The following WDR59 variants were observed in gnomAD, a reference collection of about 807,000 sequenced individuals.
WDR59 encodes the protein WD repeat domain 59.
WDR59 carries 100 observed loss-of-function variants against 131.2 expected under a neutral mutation model. That is an observed-to-expected ratio of 0.76 (90% CI 0.65 to 0.90). The LOEUF is 0.90. WDR59 is among the 40% of genes least tolerant of loss of function. WDR59 has a pLI of 0.00. For missense variants in WDR59, 1,203 were observed against 1,262.2 expected, an observed-to-expected ratio of 0.95 and a Z score of 0.71; for synonymous variants, 601 against 466.2, an observed-to-expected ratio of 1.29 and a Z score of -3.72.
chr16:74,945,547 T>C (rs904708372), intron 6 of WDR59, among the ~76,000 whole-genome samples: 8 of 152,018 alleles, frequency 5.3e-5, no homozygotes, highest in Non-Finnish European at 8.8e-5. Flanking sequence ...GAGGCATCTG[T>C]AGACCACCTG....
chr16:74,972,381 G>C (rs946531188), intron 1 of WDR59, among the ~76,000 whole-genome samples: 1 of 152,086 alleles, frequency 6.6e-6, no homozygotes, highest in African/African-American at 2.4e-5. Flanking sequence ...ACTTCCAAAG[G>C]CAACAGTGTT....
intron 1 of WDR59, among the ~76,000 whole-genome samples, chr16:74,972,989 T>C (rs1459682677): frequency 1.3e-5 from 2 of 151,656 alleles, no homozygotes; most frequent in South Asian, 4.2e-4. Flanking sequence ...TCCCAGCACT[T>C]TGGGAGGCCG....
At chr16:74,918,082 T>TGA in intron 10 of WDR59, 74 bp from the exon 11 acceptor site, 1 of 1,431,022 alleles carries the variant, frequency 7.0e-7, no homozygotes, top group Non-Finnish European at 9.8e-7. Context: ...TGAAATGGAG[T>TGA]GAGATTCATC....
At chr16:74,881,800 G>T (rs915206184) in intron 25 of WDR59, among the ~76,000 whole-genome samples, 2 of 150,644 alleles carry the variant, frequency 1.3e-5, no homozygotes, top group African/African-American at 4.9e-5. Flanking sequence ...TTGAACCAAG[G>T]AGGGGGAGGT....
intron 2 of WDR59, chr16:74,962,828 G>C (rs749705088): frequency 2.8e-5 from 4 of 143,814 alleles, no homozygotes; most frequent in African/African-American, 1.0e-4. Context: ...TTGCCTGATT[G>C]CCCTGGCCAG....
At chr16:74,943,627 A>C (rs2032398724) in intron 6 of WDR59, among the ~76,000 whole-genome samples, 1 of 152,034 alleles carries the variant, frequency 6.6e-6, no homozygotes, top group Non-Finnish European at 1.5e-5. Flanking sequence ...CCAAACCAGA[A>C]CTGAAGTGAC....
chr16:74,877,701 T>A (rs1322322081), intron 25 of WDR59, among the ~76,000 whole-genome samples: 6 of 152,230 alleles, frequency 3.9e-5, no homozygotes, highest in Non-Finnish European at 7.4e-5. Flanking sequence ...CCTGCCAACA[T>A]GCCCGGCTAA....
intron 13 of WDR59, chr16:74,915,573 G>A (rs1567715800): frequency 8.3e-6 from 2 of 240,534 alleles, no homozygotes; most frequent in South Asian, 6.1e-5. Flanking sequence ...GGAATTACAG[G>A]CTAATTTTTT....
At chr16:74,892,613 C>G (rs1176466466) in intron 19 of WDR59, 48 bp from the exon 20 acceptor site, 1 of 1,466,220 alleles carries the variant, frequency 6.8e-7, no homozygotes, top group Non-Finnish European at 9.5e-7. Context: ...GTGTAACTTC[C>G]CAAATCAACG....
rs372525914 is a variant in WDR59, at chr16:74,977,863, C to G, written c.54+7101G>C. Among the ~76,000 whole-genome samples, 23 of 152,254 alleles carry G rather than the reference C, an allele frequency of 1.5e-4. 3 individuals are homozygous for G. The highest frequency in any genetic ancestry group is 1.0e-3 in the South Asian group (5 of 4,828). ...CACTACTCAGCAAGAAGAAGGAATG[C>G]ACTAACAGATAGGCTCAACAACAAG... On this transcript the variant is annotated intron_variant, in intron 1 of 25. Coordinates refer to ENST00000262144, the MANE Select transcript of WDR59 (RefSeq NM_030581.4).
intron 20 of WDR59, among the ~76,000 whole-genome samples, chr16:74,891,112 C>CAAAA (rs1220561474): frequency 4.6e-5 from 3 of 65,446 alleles, no homozygotes; most frequent in African/African-American, 1.1e-4. Context: ...GACTCTGTCT[C>CAAAA]AAAAAAAAAA....
chr16:74,888,470 A>G (rs1964882030), intron 21 of WDR59, 151 bp from the exon 22 acceptor site: 1 of 825,514 alleles, frequency 1.2e-6, no homozygotes, highest in South Asian at 2.0e-5. Context: ...GGCTTTCTAC[A>G]GATCCGGCAG....
intron 1 of WDR59, chr16:74,984,680 CCTCA>C: frequency 2.0e-6 from 1 of 505,560 alleles, no homozygotes; most frequent in Non-Finnish European, 3.6e-6. Flanking sequence ...GGAAGCCTCC[CCTCA>C]GCACTCACGA....
rs183679405 is a variant in WDR59 at position 74,957,487 on chromosome 16, G to A, written c.105-877C>T. 2.3e-3 allele frequency among the ~76,000 whole-genome samples: 349 copies of A among 152,232 alleles called. 2 individuals are homozygous for A. Among genetic ancestry groups the A allele is most frequent in the Non-Finnish European group, 3.4e-3 (232 of 68,012 alleles). Reference sequence around the variant, plus strand: ...CTTATTACTAAGCCAAAATCCTGTAGAAGCAGAAAATCTCAAAATTCCCCT... The same window carrying A: ...CTTATTACTAAGCCAAAATCCTGTAAAAGCAGAAAATCTCAAAATTCCCCT... On this transcript the variant is annotated intron_variant, in intron 2 of 25. Transcript: ENST00000262144.
intron 8 of WDR59, among the ~76,000 whole-genome samples, chr16:74,931,811 C>A (rs1245190629): frequency 1.3e-5 from 2 of 151,862 alleles, no homozygotes; most frequent in Non-Finnish European, 2.9e-5. Flanking sequence ...GAGGCCAAGC[C>A]TGAAGTGAGC....
chr16:74,874,243 C>T lies in WDR59; in HGVS notation c.2891G>A (p.Cys964Tyr), dbSNP rs944933949. ...FRTQEVCPTG[C>Y]GCHCLLESTF is the part of the protein sequence containing the mutation. ...GCTTTCAAGCAGGCAGTGGCACCCACACCCGGTGGGACACACCTCCTGGGT... is the reference window on the plus strand; with the variant it reads ...GCTTTCAAGCAGGCAGTGGCACCCATACCCGGTGGGACACACCTCCTGGGT... Residue 964 changes from cysteine to tyrosine, a missense_variant, in exon 26 of 26, where the codon TGT becomes TAT. Transcript: ENST00000262144. 1 of 1,614,180 alleles carries T rather than the reference C, an allele frequency of 6.2e-7. No individual in the cohort carries two copies. Among genetic ancestry groups the T allele is most frequent in the South Asian group, 1.1e-5 (1 of 91,086 alleles).
At chr16:74,946,912 C>A (rs182960474) in intron 6 of WDR59, among the ~76,000 whole-genome samples, 20 of 148,626 alleles carry the variant, frequency 1.3e-4, no homozygotes, top group African/African-American at 4.8e-4. Context: ...CAAGGAGATA[C>A]AAACGGACAG....
intron 25 of WDR59, among the ~76,000 whole-genome samples, chr16:74,875,198 T>A (rs1431908216): frequency 6.6e-6 from 1 of 152,158 alleles, no homozygotes; most frequent in Non-Finnish European, 1.5e-5. Flanking sequence ...GGGATGCCGC[T>A]CCACCGCCGG....
intron 18 of WDR59, among the ~76,000 whole-genome samples, chr16:74,894,280 C>T (rs1209143732): frequency 6.6e-6 from 1 of 152,106 alleles, no homozygotes; most frequent in Non-Finnish European, 1.5e-5. Context: ...AAACCTTAAT[C>T]TATATGGTAG....
Sources: allele counts gnomAD v4.1 joint callset (sites outside exome capture counted in the v4.1 genomes callset), GRCh38; gene constraint gnomAD v4.1.1; transcripts MANE v1.5; gene names NCBI Gene and HGNC (gene_info 2026-07-23, HGNC 2026-07-21).